The following DENND2A variants were observed in gnomAD, a reference collection of about 807,000 sequenced individuals.
DENND2A encodes DENN domain-containing protein 2A.
In DENND2A, 53 loss-of-function variants were observed where a neutral mutation model predicts 105.3. The observed-to-expected ratio is 0.50, with a 90% CI of 0.40 to 0.63. The LOEUF (loss-of-function observed/expected upper bound fraction) is 0.63. Among genes scored for constraint, DENND2A ranks in the 30% least tolerant of loss-of-function variants. The pLI, the probability that DENND2A is intolerant of heterozygous loss-of-function variation, is 0.00. For missense variants in DENND2A, 1,138 were observed against 1,279.6 expected (o/e 0.89, Z 1.69); for synonymous variants, 522 against 508.4 (o/e 1.03, Z -0.36).
intron 1 of DENND2A, among the ~76,000 whole-genome samples, chr7:140,618,549 G>C (rs1453549100): frequency 6.6e-6 from 1 of 152,140 alleles, no homozygotes; most frequent in African/African-American, 2.4e-5. Flanking sequence ...CACAAGTAAT[G>C]GGTCTATGTT....
intron 1 of DENND2A, among the ~76,000 whole-genome samples, chr7:140,612,035 G>A (rs1387008554): frequency 1.3e-5 from 2 of 152,124 alleles, no homozygotes; most frequent in Non-Finnish European, 2.9e-5. Flanking sequence ...GAGGTCTGGA[G>A]TTCGAGACCA....
At chr7:140,600,876 A>G (rs1336281349) in intron 3 of DENND2A, among the ~76,000 whole-genome samples, 1 of 152,240 alleles carries the variant, frequency 6.6e-6, no homozygotes, top group Non-Finnish European at 1.5e-5. Flanking sequence ...AAGCATTAAC[A>G]TGCTTTATTA....
intron 6 of DENND2A, among the ~76,000 whole-genome samples, chr7:140,573,069 T>C (rs1370280268): frequency 1.3e-5 from 2 of 152,226 alleles, no homozygotes; most frequent in African/African-American, 4.8e-5. Context: ...CCGCTCTTTC[T>C]TCAGCCTAGT....
At chr7:140,569,880 G>A (rs1035339547) in intron 6 of DENND2A, 142 bp from the exon 7 acceptor site, 6 of 629,268 alleles carry the variant, frequency 9.5e-6, no homozygotes, top group African/African-American at 4.2e-5. Flanking sequence ...GCTCATGGGT[G>A]TCTTTCAATC....
intron 1 of DENND2A, among the ~76,000 whole-genome samples, chr7:140,638,825 G>A (rs576243910): frequency 2.7e-4 from 41 of 152,288 alleles, no homozygotes; most frequent in African/African-American, 9.6e-4. Flanking sequence ...TCCCTGCACC[G>A]GCTCCTCTCT....
intron 5 of DENND2A, among the ~76,000 whole-genome samples, chr7:140,578,196 T>C (rs1441784147): frequency 1.3e-5 from 2 of 152,202 alleles, no homozygotes; most frequent in African/African-American, 4.8e-5. Flanking sequence ...CTTCAGTTGT[T>C]TCAGGAGAGT....
chr7:140,538,855 G>T (rs1163064838), intron 14 of DENND2A, among the ~76,000 whole-genome samples: 1 of 150,358 alleles, frequency 6.7e-6, no homozygotes, highest in Non-Finnish European at 1.5e-5. Flanking sequence ...ACAGAGTCTC[G>T]CTCTGTTGCC....
At chr7:140,604,241 A>C (rs991631489) in intron 2 of DENND2A, among the ~76,000 whole-genome samples, 46 of 152,348 alleles carry the variant, frequency 3.0e-4, no homozygotes, top group African/African-American at 1.0e-3. Flanking sequence ...TTCTATTCCC[A>C]AGGTTGTTTG....
intron 1 of DENND2A, among the ~76,000 whole-genome samples, chr7:140,629,812 TG>T (rs1800669318): frequency 6.6e-6 from 1 of 151,720 alleles, no homozygotes; most frequent in Non-Finnish European, 1.5e-5. Flanking sequence ...ATGGTGCTCT[TG>T]TTACTTCACT....
At chr7:140,620,258 A>G (rs1323280224) in intron 1 of DENND2A, among the ~76,000 whole-genome samples, 1 of 151,236 alleles carries the variant, frequency 6.6e-6, no homozygotes, top group Admixed American at 6.6e-5. Context: ...CTATTATTAA[A>G]TGGAAAAAAC....
intron 1 of DENND2A, among the ~76,000 whole-genome samples, chr7:140,635,429 C>T (rs1800887527): frequency 6.6e-6 from 1 of 152,168 alleles, no homozygotes. Context: ...TTGAAGTGGT[C>T]TGATAAGCCC....
intron 12 of DENND2A, among the ~76,000 whole-genome samples, chr7:140,551,194 G>A (rs1406905172): frequency 2.0e-5 from 3 of 150,964 alleles, no homozygotes; most frequent in African/African-American, 4.9e-5. Flanking sequence ...TCAGCTACTC[G>A]GGAGGCTGGG....
chr7:140,637,661 G>A lies in DENND2A; in HGVS notation c.-248+2843C>T, dbSNP rs1447488960. On this transcript the variant is annotated intron_variant, in intron 1 of 19. Coordinates refer to ENST00000496613, the MANE Select transcript of DENND2A (RefSeq NM_015689.5). ...ATGACCAGGACCGCCCTGGGAAGTG[G>A]ACTTGCCCATATGAATGGAATCCTA... 2.6e-5 allele frequency among the ~76,000 whole-genome samples: 4 copies of A among 152,164 alleles called. No homozygotes were observed. In the East Asian group the frequency reaches 5.8e-4, roughly 22 times the overall value.
chr7:140,626,429 G>C (rs779978768), intron 1 of DENND2A, among the ~76,000 whole-genome samples: 1 of 152,142 alleles, frequency 6.6e-6, no homozygotes, highest in Non-Finnish European at 1.5e-5. Flanking sequence ...AGGACCACCC[G>C]GTGTGATCTG....
chr7:140,567,554 G>A (rs1797918210), intron 8 of DENND2A, among the ~76,000 whole-genome samples: 2 of 152,210 alleles, frequency 1.3e-5, no homozygotes, highest in African/African-American at 4.8e-5. Context: ...CAATCAGGGT[G>A]CAGGAGCCTG....
rs569953323 is a variant in DENND2A, at chr7:140,556,335, A to C, written c.1960-622T>G. ...CCTGCCCAATCTCAATACTTTTAAA[A>C]ATTTTTATTTATTTATTTTTGGAGA... On this transcript the variant is annotated intron_variant, in intron 11 of 19. Coordinates refer to ENST00000496613, the MANE Select transcript of DENND2A (RefSeq NM_015689.5). 5.5e-3 allele frequency among the ~76,000 whole-genome samples: 830 copies of C among 150,390 alleles called. 8 individuals are homozygous for C. The highest frequency in any genetic ancestry group is 0.011 in the Middle Eastern group (3 of 268).
intron 1 of DENND2A, among the ~76,000 whole-genome samples, chr7:140,631,692 C>G (rs1315360074): frequency 6.6e-6 from 1 of 152,134 alleles, no homozygotes; most frequent in Non-Finnish European, 1.5e-5. Context: ...AACCAGATGA[C>G]AGTCACCACA....
intron 1 of DENND2A, among the ~76,000 whole-genome samples, chr7:140,611,841 A>G (rs915233407): frequency 1.3e-5 from 2 of 152,222 alleles, no homozygotes; most frequent in East Asian, 1.9e-4. Context: ...TGCTATTAAT[A>G]GGTGAGGGTT....
At chr7:140,599,709 T>C (rs1799413837) in intron 3 of DENND2A, among the ~76,000 whole-genome samples, 1 of 151,902 alleles carries the variant, frequency 6.6e-6, no homozygotes, top group South Asian at 2.1e-4. Flanking sequence ...TACAAATATA[T>C]GTAAATAAAT....
Sources: allele counts gnomAD v4.1 joint callset (sites outside exome capture counted in the v4.1 genomes callset), GRCh38; gene constraint gnomAD v4.1.1; transcripts MANE v1.5; gene names NCBI Gene and HGNC (gene_info 2026-07-23, HGNC 2026-07-21).